The following HIP1 variants were observed in gnomAD, a reference collection of about 807,000 sequenced individuals.
The protein encoded by HIP1 is huntingtin interacting protein 1, also known as huntingtin-interacting protein 1.
In HIP1, 65 loss-of-function variants were observed where a neutral mutation model predicts 147.6. That is an observed-to-expected ratio of 0.44 (90% CI 0.36 to 0.54). HIP1 has a LOEUF of 0.54. HIP1 is among the 20% of genes least tolerant of loss of function. The pLI is 0.00. For missense variants in HIP1, 1,061 were observed against 1,299.6 expected (o/e 0.82, Z 2.82); for synonymous variants, 479 against 504.0 (o/e 0.95, Z 0.67).
At chr7:75,721,270 A>T (rs1801496683) in intron 1 of HIP1, among the ~76,000 whole-genome samples, 1 of 151,694 alleles carries the variant, frequency 6.6e-6, no homozygotes, top group African/African-American at 2.4e-5. Context: ...CCAGCTCCTC[A>T]GGAGGCTGAG....
intron 1 of HIP1, among the ~76,000 whole-genome samples, chr7:75,616,085 C>CAAAAAAAAAAAAAAAAAAA (rs71098042): frequency 6.0e-4 from 21 of 35,282 alleles, no homozygotes; most frequent in Non-Finnish European, 8.9e-4. Flanking sequence ...GACTCTGTCT[C>CAAAAAAAAAAAAAAAAAAA]AAAAAAAAAA....
chr7:75,595,230 T>TGG (rs1563230113), intron 2 of HIP1, among the ~76,000 whole-genome samples: 1 of 109,068 alleles, frequency 9.2e-6, no homozygotes, highest in African/African-American at 4.3e-5. Flanking sequence ...CTTTCTTTCT[T>TGG]TCTTTCTTTC....
chr7:75,559,617 A>T, intron 14 of HIP1, 115 bp downstream of exon 14: 1 of 856,590 alleles, frequency 1.2e-6, no homozygotes, highest in Non-Finnish European at 1.8e-6. Context: ...AGCTGTTTCT[A>T]GAAAGACAGT....
intron 1 of HIP1, among the ~76,000 whole-genome samples, chr7:75,644,328 C>G (rs917361579): frequency 6.6e-6 from 1 of 152,144 alleles, no homozygotes; most frequent in Non-Finnish European, 1.5e-5. Context: ...GAATTTCACT[C>G]TTGTTGCCCA....
chr7:75,620,258 T>C (rs955229936), intron 1 of HIP1, among the ~76,000 whole-genome samples: 2 of 151,700 alleles, frequency 1.3e-5, no homozygotes. Context: ...TGGTGGTGCA[T>C]GCTTATAGTT....
At position 75,554,445 on chromosome 7, in the gene HIP1, G is replaced by A. The variant is rs782761810; in HGVS notation, c.2045C>T (p.Pro682Leu). 6 of 1,612,878 alleles carry A rather than the reference G, an allele frequency of 3.7e-6. No individual in the cohort carries two copies. In the East Asian group the frequency reaches 1.1e-4, roughly 30 times the overall value. The change falls in exon 20 of 31, where the codon CCA (proline) becomes CTA (leucine). Residue 682 changes from proline (P) to leucine (L), a missense_variant. Physicochemically the swap from Pro to Leu is moderately conservative, Grantham distance 98. Coordinates refer to ENST00000336926, the MANE Select transcript of HIP1 (RefSeq NM_005338.7). ...EKSWSQYLACPEDISGLLHSI... is the reference protein window; with the variant it reads ...EKSWSQYLACLEDISGLLHSI... ...CTGTCCTTGGCCATTCTTACCTTCT[G>A]GGCAGGCCAGATACTGGCTCCAGCT...
At chr7:75,646,324 T>C (rs1175267837) in intron 1 of HIP1, among the ~76,000 whole-genome samples, 1 of 152,192 alleles carries the variant, frequency 6.6e-6, no homozygotes, top group African/African-American at 2.4e-5. Flanking sequence ...TGACCTCAGG[T>C]GATCCACTCA....
At chr7:75,724,013 G>A (rs1481954175) in intron 1 of HIP1, among the ~76,000 whole-genome samples, 1 of 152,068 alleles carries the variant, frequency 6.6e-6, no homozygotes, top group Non-Finnish European at 1.5e-5. Context: ...CTGGAGTACA[G>A]TGGTGCAATC....
At chr7:75,560,594 T>C (rs1365155732) in intron 13 of HIP1, among the ~76,000 whole-genome samples, 2 of 152,138 alleles carry the variant, frequency 1.3e-5, no homozygotes, top group African/African-American at 4.8e-5. Flanking sequence ...TCTGGTCTTG[T>C]TCTCCACAGC....
At chr7:75,732,463 T>C (rs1554523151) in intron 1 of HIP1, among the ~76,000 whole-genome samples, 2 of 152,138 alleles carry the variant, frequency 1.3e-5, no homozygotes, top group South Asian at 2.1e-4. Context: ...CTCAACTTCC[T>C]GGGCTTAAAC....
At position 75,537,898 on chromosome 7, in the gene HIP1, C is replaced by G. The variant is rs1794147691; in HGVS notation, c.*274G>C. The G allele has an allele frequency of 2.0e-6, 1 of 502,140 alleles. No individual in the cohort carries two copies. Among genetic ancestry groups the G allele is most frequent in the African/African-American group, 1.9e-5 (1 of 51,970 alleles). The allele number at this position is 502,140 out of a possible 1,614,324, so 31.1% of individuals were successfully genotyped here. A position where few individuals can be genotyped will look rare whatever the true frequency, so the allele number is the denominator to read the frequency against. ...TTGAGTGGCCCTGCCCCCCACCACC[C>G]CTCTTCGTACCTAGGCTTGCTCATG... On this transcript the variant is annotated 3_prime_UTR_variant, in exon 31 of 31. Coordinates refer to ENST00000336926, the MANE Select transcript of HIP1 (RefSeq NM_005338.7).
Position 75,538,202 on chromosome 7 carries a change from T to C in HIP1, c.3084A>G (p.Thr1028=). ...WEEGTEASPP[T]LQEVVTEKE ...CTTTTTCGGTTACCACTTCTTGCAGTGTAGGTGGAGATGCCTCTGTTCCTA... is the reference window on the plus strand; with the variant it reads ...CTTTTTCGGTTACCACTTCTTGCAGCGTAGGTGGAGATGCCTCTGTTCCTA... The change falls in exon 31 of 31, where the codon ACA becomes ACG. Residue 1028 remains threonine (T), a synonymous_variant. Transcript: ENST00000336926. 1 of 1,613,392 alleles carries C rather than the reference T, an allele frequency of 6.2e-7. No homozygotes were observed. The highest frequency in any genetic ancestry group is 8.5e-7 in the Non-Finnish European group (1 of 1,179,452).
chr7:75,706,494 ATTTT>A (rs1285287876), intron 1 of HIP1, among the ~76,000 whole-genome samples: 9 of 112,904 alleles, frequency 8.0e-5, no homozygotes, highest in Admixed American at 4.4e-4. Flanking sequence ...TTTTTTTTTT[ATTTT>A]TTTATTTTTT....
intron 1 of HIP1, among the ~76,000 whole-genome samples, chr7:75,604,354 A>G (rs1554503504): frequency 6.6e-6 from 1 of 152,200 alleles, no homozygotes; most frequent in Non-Finnish European, 1.5e-5. Context: ...GCCGTGAGGA[A>G]GAGGACCACA....
chr7:75,538,810 G>A (rs959797782), intron 30 of HIP1, among the ~76,000 whole-genome samples: 11 of 151,928 alleles, frequency 7.2e-5, no homozygotes, highest in South Asian at 6.2e-4. Flanking sequence ...TCCTGACCTC[G>A]TGATCCGCCC....
At chr7:75,610,602 C>G (rs781975933) in intron 1 of HIP1, among the ~76,000 whole-genome samples, 2 of 151,896 alleles carry the variant, frequency 1.3e-5, no homozygotes, top group Non-Finnish European at 2.9e-5. Flanking sequence ...ATCCCAAGCA[C>G]AAGGACCCTG....
chr7:75,712,772 A>G (rs531189616), intron 1 of HIP1, among the ~76,000 whole-genome samples: 97 of 151,966 alleles, frequency 6.4e-4, no homozygotes, highest in Non-Finnish European at 1.2e-3. Context: ...TCACTCTCTC[A>G]TTTACTCATT....
intron 1 of HIP1, among the ~76,000 whole-genome samples, chr7:75,622,850 TATC>T (rs1292083628): frequency 4.7e-5 from 1 of 21,094 alleles, no homozygotes; most frequent in Non-Finnish European, 8.0e-5. Flanking sequence ...AATAAATAAT[TATC>T]TATCTATCTA....
intron 1 of HIP1, among the ~76,000 whole-genome samples, chr7:75,671,870 G>A (rs888389779): frequency 6.6e-6 from 1 of 152,140 alleles, no homozygotes; most frequent in Non-Finnish European, 1.5e-5. Context: ...AAGCAGCTGG[G>A]ATTACAGCTA....
Sources: allele counts gnomAD v4.1 joint callset (sites outside exome capture counted in the v4.1 genomes callset), GRCh38; gene constraint gnomAD v4.1.1; transcripts MANE v1.5; gene names NCBI Gene and HGNC (gene_info 2026-07-23, HGNC 2026-07-21).